EXT1: variants seen among roughly 807,000 people sequenced by gnomAD.
The protein encoded by EXT1 is exostosin-1.
A neutral mutation model predicts 82.5 loss-of-function variants in EXT1; 20 were observed. That is an observed-to-expected ratio of 0.24 (90% confidence interval 0.17 to 0.35). The LOEUF is 0.35. Ranked by LOEUF, EXT1 falls within the 10% of genes least tolerant of loss-of-function variation. The probability of loss-of-function intolerance (pLI) is 1.00; values close to 1 mark genes in which losing one functional copy is unlikely to be tolerated. For synonymous variants in EXT1, 348 were observed against 350.8 expected (o/e 0.99, Z 0.09); for missense variants, 757 against 936.5 (o/e 0.81, Z 2.50).
intron 1 of EXT1, among the ~76,000 whole-genome samples, chr8:118,000,391 C>T (rs1815637076): frequency 6.6e-6 from 1 of 152,086 alleles, no homozygotes; most frequent in South Asian, 2.1e-4. Context: ...GTCTCAAAGC[C>T]TTGCAGCCAC....
rs563005873 is a variant in EXT1 at position 117,821,613 on chromosome 8, T to C, written c.1417+852A>G. Among the ~76,000 whole-genome samples, 4 of 152,356 alleles carry C rather than the reference T, an allele frequency of 2.6e-5. No individual in the cohort carries two copies. In the South Asian group the frequency reaches 8.3e-4, roughly 32 times the overall value. ...TGATGCTTCAGGCCATGCATTTCTTTAGGTTTCATCTCATCAGTTTCAAAC... is the reference window on the plus strand; with the variant it reads ...TGATGCTTCAGGCCATGCATTTCTTCAGGTTTCATCTCATCAGTTTCAAAC... On this transcript the variant is annotated intron_variant, in intron 5 of 10. Coordinates refer to ENST00000378204, the MANE Select transcript of EXT1 (RefSeq NM_000127.3).
At chr8:117,898,379 T>C (rs7357537) in intron 1 of EXT1, among the ~76,000 whole-genome samples, 8,060 of 152,278 alleles carry the variant, frequency 0.053, 707 homozygotes, top group African/African-American at 0.18. Context: ...AGATGTTCAC[T>C]CTTTTTTCTA....
intron 1 of EXT1, among the ~76,000 whole-genome samples, chr8:117,845,050 G>A (rs1004954955): frequency 2.1e-4 from 32 of 152,114 alleles, no homozygotes; most frequent in African/African-American, 7.5e-4. Context: ...ACCAGGGCCA[G>A]GAATTTATAT....
At chr8:117,871,344 C>T (rs142582498) in intron 1 of EXT1, among the ~76,000 whole-genome samples, 3 of 152,274 alleles carry the variant, frequency 2.0e-5, no homozygotes, top group African/African-American at 4.8e-5. Context: ...TACTCTGGCA[C>T]CAACAATAGG....
intron 1 of EXT1, among the ~76,000 whole-genome samples, chr8:118,086,454 C>G (rs1020449449): frequency 3.3e-5 from 5 of 152,224 alleles, no homozygotes; most frequent in African/African-American, 4.8e-5. Flanking sequence ...GGACTAATTG[C>G]ACATCCACAG....
At chr8:117,946,772 T>C (rs1408289605) in intron 1 of EXT1, among the ~76,000 whole-genome samples, 2 of 152,036 alleles carry the variant, frequency 1.3e-5, no homozygotes, top group Non-Finnish European at 2.9e-5. Context: ...CCATCAGTGC[T>C]TACACCACCA....
At chr8:117,975,777 T>C (rs1362508061) in intron 1 of EXT1, among the ~76,000 whole-genome samples, 1 of 152,238 alleles carries the variant, frequency 6.6e-6, no homozygotes, top group Non-Finnish European at 1.5e-5. Flanking sequence ...GAAATGCTTG[T>C]TGCTCAAATA....
chr8:117,799,794 G>C lies in EXT1; in HGVS notation c.2159C>G (p.Ser720Cys), dbSNP rs1373349863. ...GAGGACGGGGTCGAGCCTCATCTGAGAGTGGATCAGCGGCATGTAGCCAAA... is the reference window on the plus strand; with the variant it reads ...GAGGACGGGGTCGAGCCTCATCTGACAGTGGATCAGCGGCATGTAGCCAAA... ...SWFGYMPLIH[S>C]QMRLDPVLFK... Residue 720 changes from serine (S) to cysteine (C), a missense_variant, in exon 11 of 11, where the codon TCT (serine) becomes TGT (cysteine). Ser to Cys is a moderately radical substitution (Grantham distance 112). This residue lies in a region of EXT1 where 128 missense variants were observed against 223.2 expected (regional missense o/e 0.57). Transcript: ENST00000378204. 3.1e-6 allele frequency: 5 copies of C among 1,614,206 alleles called. No homozygotes were observed. The highest frequency in any genetic ancestry group is 4.2e-6 in the Non-Finnish European group (5 of 1,180,044).
In EXT1 at chr8:117,972,531, G is replaced by A. The variant is rs576993984; in HGVS notation, c.963-135330C>T. Among the ~76,000 whole-genome samples the A allele has an allele frequency of 9.5e-4, 144 of 152,288 alleles. 1 individual carries two copies. Among genetic ancestry groups the A allele is most frequent in the African/African-American group, 3.3e-3 (139 of 41,574 alleles). ...CCTCTAAGTGCCTTTTTCCATCCCAGTGGGAAAAAAATGCAAACACTCACG... is the reference window on the plus strand; with the variant it reads ...CCTCTAAGTGCCTTTTTCCATCCCAATGGGAAAAAAATGCAAACACTCACG... On this transcript the variant is annotated intron_variant, in intron 1 of 10. Coordinates refer to ENST00000378204, the MANE Select transcript of EXT1 (RefSeq NM_000127.3).
chr8:117,841,171 T>C (rs890011031), intron 1 of EXT1, among the ~76,000 whole-genome samples: 4 of 152,210 alleles, frequency 2.6e-5, no homozygotes, highest in African/African-American at 9.7e-5. Flanking sequence ...TACCCAAATG[T>C]CCTTCAATGT....
chr8:118,018,905 A>G (rs1197655390), intron 1 of EXT1, among the ~76,000 whole-genome samples: 1 of 152,140 alleles, frequency 6.6e-6, no homozygotes, highest in African/African-American at 2.4e-5. Flanking sequence ...AGACATAGGT[A>G]TAATTTAATA....
chr8:118,045,277 G>C (rs1816603793), intron 1 of EXT1, among the ~76,000 whole-genome samples: 1 of 152,094 alleles, frequency 6.6e-6, no homozygotes, highest in South Asian at 2.1e-4. Flanking sequence ...TGGTAATAAA[G>C]AAACTGCCCC....
chr8:117,871,738 A>G (rs1812876683), intron 1 of EXT1, among the ~76,000 whole-genome samples: 1 of 152,148 alleles, frequency 6.6e-6, no homozygotes, highest in South Asian at 2.1e-4. Context: ...CAGAGGGGTC[A>G]TCAGGCACTC....
chr8:117,801,354 A>C (rs1823164146), intron 10 of EXT1, among the ~76,000 whole-genome samples: 1 of 152,184 alleles, frequency 6.6e-6, no homozygotes, highest in Admixed American at 6.5e-5. Flanking sequence ...GCAGAACTCA[A>C]GCTTCATTCT....
intron 1 of EXT1, 98 bp downstream of exon 1, chr8:118,109,987 G>A (rs1322137320): frequency 8.2e-6 from 13 of 1,583,458 alleles, no homozygotes; most frequent in African/African-American, 1.4e-5. Flanking sequence ...AGGACTGAGG[G>A]CTCATCCGCC....
rs577073651 is a variant in EXT1, at chr8:117,845,344, T to A, written c.963-8143A>T. On this transcript the variant is annotated intron_variant, in intron 1 of 10. Transcript: ENST00000378204. ...ACTGAACACGCCAGGTCATAATCTC[T>A]TATCAACTCTAAACTCCACCCCCCA... 2.0e-5 allele frequency among the ~76,000 whole-genome samples: 3 copies of A among 152,246 alleles called. No individual in the cohort carries two copies. The South Asian group carries it at 6.2e-4, about 32-fold the overall frequency.
intron 1 of EXT1, among the ~76,000 whole-genome samples, chr8:117,844,549 T>C (rs2129811610): frequency 6.6e-6 from 1 of 152,212 alleles, no homozygotes; most frequent in East Asian, 1.9e-4. Context: ...CATATATAAG[T>C]GGGAACCAAT....
At chr8:117,889,394 G>C (rs1813203598) in intron 1 of EXT1, among the ~76,000 whole-genome samples, 1 of 152,076 alleles carries the variant, frequency 6.6e-6, no homozygotes. Flanking sequence ...AACAAATTTA[G>C]CTCAGGGACT....
intron 1 of EXT1, among the ~76,000 whole-genome samples, chr8:118,095,239 G>A (rs767864847): frequency 4.9e-4 from 74 of 152,250 alleles, no homozygotes; most frequent in South Asian, 2.1e-3. Context: ...TGTTATCCCT[G>A]CTTGAGTTAC....
Sources: allele counts gnomAD v4.1 joint callset (sites outside exome capture counted in the v4.1 genomes callset), GRCh38; gene constraint gnomAD v4.1.1; regional missense constraint gnomAD v4.1.1; transcripts MANE v1.5; gene names NCBI Gene and HGNC (gene_info 2026-07-23, HGNC 2026-07-21).